Variants in BEGAIN observed in about 807,000 individuals in gnomAD.
BEGAIN encodes the protein brain enriched guanylate kinase associated, also known as brain-enriched guanylate kinase-associated protein.
A neutral mutation model predicts 35.8 loss-of-function variants in BEGAIN; 19 were observed. The ratio of observed to expected loss-of-function variants is 0.53; its 90% CI spans 0.37 to 0.78. The LOEUF is 0.78. BEGAIN is among the 30% of genes least tolerant of loss of function. The pLI, the probability that BEGAIN is intolerant of heterozygous loss-of-function variation, is 0.00. For synonymous variants in BEGAIN, 462 were observed against 388.6 expected (o/e 1.19, Z -2.22); for missense variants, 795 against 853.6 (o/e 0.93, Z 0.85).
At position 100,538,520 on chromosome 14, in the gene BEGAIN, C is replaced by T. The variant is rs751010487; in HGVS notation, c.1288G>A (p.Gly430Arg). The T allele has an allele frequency of 4.6e-6, 7 of 1,519,470 alleles. No homozygotes were observed. Among genetic ancestry groups the T allele is most frequent in the South Asian group, 2.6e-5 (2 of 75,582 alleles). 94.1% of individuals were successfully genotyped at this position (1,519,470 alleles called of 1,614,324 possible). Residue 430 changes from glycine (G) to arginine (R), a missense_variant, in exon 7 of 7, where the codon GGG becomes AGG. Around this residue, in one of 3 missense-constraint regions of BEGAIN, gnomAD observed 664 missense variants for 647.7 expected, o/e 1.03. Transcript: ENST00000554140. Reference protein sequence around the residue: ...RAKPGTARLPGEDMRGQWRPL... With the variant: ...RAKPGTARLPREDMRGQWRPL... ...CGCCACTGGCCCCTCATGTCCTCCC[C>T]GGGGAGCCGGGCGGTCCCCGGCTTG...
chr14:100,574,999 G>A lies in BEGAIN; in HGVS notation c.43-7060C>T, dbSNP rs186723951. On this transcript the variant is annotated intron_variant, in intron 1 of 6. Coordinates refer to ENST00000554140, the MANE Select transcript of BEGAIN (RefSeq NM_001385089.1). ...CAGTCCCAAGTCTGTGATAACCGGC[G>A]GTCCTAGAGACCTTCTACAGTAGCC... Among the ~76,000 whole-genome samples, 328 of 152,244 alleles carry A rather than the reference G, an allele frequency of 2.2e-3. 5 individuals carry two copies. Among genetic ancestry groups the A allele is most frequent in the African/African-American group, 2.5e-3 (103 of 41,540 alleles).
chr14:100,581,362 G>A (rs1242082678), intron 1 of BEGAIN, among the ~76,000 whole-genome samples: 4 of 152,296 alleles, frequency 2.6e-5, no homozygotes, highest in Middle Eastern at 3.4e-3. Flanking sequence ...GCTCTCAGGC[G>A]CCTGGGCCTG....
chr14:100,575,644 G>A (rs1276047726), intron 1 of BEGAIN, among the ~76,000 whole-genome samples: 2 of 152,150 alleles, frequency 1.3e-5, no homozygotes, highest in African/African-American at 4.8e-5. Context: ...GGGGCTGGTG[G>A]GGGAAGGTGG....
At position 100,586,029 on chromosome 14, in the gene BEGAIN, C is replaced by T. The variant is rs547638255; in HGVS notation, c.42+1220G>A. Among the ~76,000 whole-genome samples the T allele has an allele frequency of 1.7e-4, 26 of 152,242 alleles. No individual in the cohort carries two copies. The highest frequency in any genetic ancestry group is 2.9e-4 in the Non-Finnish European group (20 of 68,040). ...GCTGCTGGGGCCCTCTCTGCCGTCTCCCCGCCCTGCGTGTCACAGATGCCA... is the reference window on the plus strand; with the variant it reads ...GCTGCTGGGGCCCTCTCTGCCGTCTTCCCGCCCTGCGTGTCACAGATGCCA... On this transcript the variant is annotated intron_variant, in intron 1 of 6. Transcript: ENST00000554140. The surrounding 1 kb of genome is among the most constrained non-coding windows in gnomAD (Gnocchi z 4.9).
chr14:100,544,629 G>A (rs919809028), intron 4 of BEGAIN, among the ~76,000 whole-genome samples: 1 of 152,158 alleles, frequency 6.6e-6, no homozygotes, highest in East Asian at 1.9e-4. Flanking sequence ...GCGGAGCTGG[G>A]GCTCAAACCT....
At chr14:100,543,065 T>C (rs1313603729) in intron 5 of BEGAIN, among the ~76,000 whole-genome samples, 1 of 152,226 alleles carries the variant, frequency 6.6e-6, no homozygotes, top group Non-Finnish European at 1.5e-5. Flanking sequence ...CGGTTGCTTC[T>C]GCCTGGAAGC....
intron 2 of BEGAIN, among the ~76,000 whole-genome samples, chr14:100,559,791 G>A (rs989780290): frequency 2.0e-5 from 3 of 152,176 alleles, no homozygotes; most frequent in Admixed American, 6.5e-5. Context: ...CCCACTCCAC[G>A]TTCACCTCTG....
At chr14:100,569,646 T>G in intron 1 of BEGAIN, 1 of 154,256 alleles carries the variant, frequency 6.5e-6, no homozygotes. Context: ...CAGCGCAGGG[T>G]GGGAGGAGCC....
At chr14:100,541,202 G>T (rs1034576558) in intron 5 of BEGAIN, among the ~76,000 whole-genome samples, 1 of 152,278 alleles carries the variant, frequency 6.6e-6, no homozygotes, top group African/African-American at 2.4e-5. Flanking sequence ...CTCAAGGGGT[G>T]TGGCTTCGCC....
chr14:100,545,433 C>T, intron 3 of BEGAIN: 1 of 1,065,094 alleles, frequency 9.4e-7, no homozygotes, highest in African/African-American at 1.7e-5. Context: ...GTTGACAGTT[C>T]AAATGCAAAT....
rs1373705159 is a variant in BEGAIN, at chr14:100,538,247, T to C, written c.1561A>G (p.Ser521Gly). The C allele has an allele frequency of 6.4e-7, 1 of 1,570,212 alleles. No homozygotes were observed. Residue 521 changes from serine to glycine, a missense_variant, in exon 7 of 7, where the codon AGT (serine) becomes GGT (glycine). Transcript: ENST00000554140. ...AGTGGGTCAGCCGAGCGGCCGGGAC[T>C]GAGGCTCAGGTCGCCGCCCGCCCGC... ...FLRAGGDLSL[S>G]PGRSADPLPG...
At chr14:100,584,117 T>G (rs2035384994) in intron 1 of BEGAIN, among the ~76,000 whole-genome samples, 1 of 152,212 alleles carries the variant, frequency 6.6e-6, no homozygotes, top group Non-Finnish European at 1.5e-5. Context: ...CTCCACCTCA[T>G]GCACCTCTTA....
chr14:100,543,304 T>G (rs553334457), intron 5 of BEGAIN, among the ~76,000 whole-genome samples: 2 of 150,382 alleles, frequency 1.3e-5, no homozygotes, highest in East Asian at 1.9e-4. Flanking sequence ...GTTTTTTTTT[T>G]TGTTTTTTTT....
chr14:100,537,804 C>G lies in BEGAIN; in HGVS notation c.*165G>C. ...ACACCGTGGTGTGGGGGACCCTCCC[C>G]TCAGGCCTACAGGGCTGGGGAGGAG... On this transcript the variant is annotated 3_prime_UTR_variant, in exon 7 of 7. Transcript: ENST00000554140. 8.8e-7 allele frequency: 1 copy of G among 1,131,924 alleles called. No homozygotes were observed. Among genetic ancestry groups the G allele is most frequent in the Non-Finnish European group, 1.2e-6 (1 of 841,346 alleles). The allele number at this position is 1,131,924 out of a possible 1,614,324, so 70.1% of individuals were successfully genotyped here. A position where few individuals can be genotyped will look rare whatever the true frequency, so the allele number is the denominator to read the frequency against.
Position 100,546,392 on chromosome 14 carries a change from C to CCCCCA in BEGAIN, c.233+108_233+109insTGGGG. 9.3e-5 allele frequency: 6 copies of CCCCCA among 64,266 alleles called. 3 individuals carry two copies. The highest frequency in any genetic ancestry group is 5.5e-5 in the Non-Finnish European group (2 of 36,630). The allele number at this position is 64,266 out of a possible 1,614,324, so 4.0% of individuals were successfully genotyped here. On this transcript the variant is annotated intron_variant, in intron 3 of 6. Transcript: ENST00000554140. ...CGCCCCGCCCCGGCCCTCGCCCCGC[C>CCCCCA]CCGGCCCTCGCCCCGCCCCGGCCCT... is the stretch of plus-strand genomic sequence containing the variant.
At chr14:100,552,954 G>A (rs1384596265) in intron 2 of BEGAIN, among the ~76,000 whole-genome samples, 5 of 151,976 alleles carry the variant, frequency 3.3e-5, no homozygotes, top group Middle Eastern at 6.8e-3. Context: ...GTGTAGTCAC[G>A]TGGGGAGCAG....
chr14:100,574,735 T>A (rs1203912230), intron 1 of BEGAIN, among the ~76,000 whole-genome samples: 1 of 152,128 alleles, frequency 6.6e-6, no homozygotes, highest in African/African-American at 2.4e-5. Context: ...ACCATCCACA[T>A]CTGAGCTTTC....
intron 2 of BEGAIN, among the ~76,000 whole-genome samples, chr14:100,556,448 C>T (rs1019070276): frequency 9.2e-5 from 14 of 152,240 alleles, no homozygotes; most frequent in East Asian, 1.9e-4. Context: ...CAGGGCAAAG[C>T]GGGCCAACCC....
intron 1 of BEGAIN, among the ~76,000 whole-genome samples, chr14:100,583,692 C>CTT (rs56090356): frequency 2.1e-4 from 23 of 108,978 alleles, no homozygotes; most frequent in African/African-American, 3.2e-4. Context: ...GTTTTTCTTC[C>CTT]TTTTTTTTTT....
Sources: gnomAD v4.1 joint callset for allele counts (sites outside exome capture counted in the v4.1 genomes callset) on GRCh38, gnomAD v4.1.1 for gene constraint, gnomAD v4.1.1 regional missense constraint, Gnocchi (gnomAD v3.1) non-coding constraint, MANE v1.5 for transcripts, NCBI Gene and HGNC (gene_info 2026-07-23, HGNC 2026-07-21) for gene names.